Variants in FAM83H observed in about 807,000 individuals in gnomAD.
FAM83H encodes scaffolding CK1 anchoring protein H.
Under a neutral mutation model 30.2 loss-of-function variants are expected in FAM83H, and 24 were observed. The ratio of observed to expected loss-of-function variants is 0.79; its 90% CI spans 0.57 to 1.12. The LOEUF (loss-of-function observed/expected upper bound fraction) is 1.12. Ranked by LOEUF, FAM83H falls within the 50% of genes most tolerant of loss-of-function variation. The pLI is 0.00. For missense variants in FAM83H, 2,038 were observed against 1,773.9 expected (o/e 1.15, Z -2.67); for synonymous variants, 1,013 against 821.7 (o/e 1.23, Z -3.98).
rs1554621696 is a variant in FAM83H at position 143,726,316 on chromosome 8, C to T, written c.3145G>A (p.Ala1049Thr). The T allele has an allele frequency of 5.6e-6, 9 of 1,612,120 alleles. No homozygotes were observed. The highest frequency in any genetic ancestry group is 6.8e-6 in the Non-Finnish European group (8 of 1,179,762). Residue 1049 changes from alanine to threonine, a missense_variant, in exon 5 of 5, where the codon GCC becomes ACC. Physicochemically the swap from Ala to Thr is moderately conservative, Grantham distance 58 (BLOSUM62 0). Coordinates refer to ENST00000388913, the MANE Select transcript of FAM83H (RefSeq NM_198488.5). Reference sequence around the variant, plus strand: ...ACCGCACGGTGCTTCTGGCCGTGGGCACTGATCTGCTCCAGAATGGCCTTC... The same window carrying T: ...ACCGCACGGTGCTTCTGGCCGTGGGTACTGATCTGCTCCAGAATGGCCTTC... ...DTKAILEQIS[A>T]HGQKHRAVPA...
In FAM83H at chr8:143,730,214, G is replaced by T; in HGVS notation, c.369C>A (p.Thr123=). Residue 123 remains threonine, a synonymous_variant, in exon 2 of 5, where the codon ACC becomes ACA. Transcript: ENST00000388913. The part of the protein sequence containing the change: ...LTFGFQGTEV[T]TLVQPPPPDS... ...CGGGGGGCGGTGGCTGCACCAAGGTGGTCACCTCGGTGCCCTGGAAGCCGA... is the reference window on the plus strand; with the variant it reads ...CGGGGGGCGGTGGCTGCACCAAGGTTGTCACCTCGGTGCCCTGGAAGCCGA... 1 of 1,612,878 alleles carries T rather than the reference G, an allele frequency of 6.2e-7. No individual in the cohort carries two copies. The highest frequency in any genetic ancestry group is 8.5e-7 in the Non-Finnish European group (1 of 1,179,534).
At chr8:143,731,224 C>A (rs888890014) in intron 1 of FAM83H, 1 of 371,904 alleles carries the variant, frequency 2.7e-6, no homozygotes, top group Admixed American at 6.5e-5. Flanking sequence ...CATTCACGGA[C>A]CCCTGGCACT....
Position 143,729,081 on chromosome 8 carries a change from A to C in FAM83H, c.623T>G (p.Val208Gly). ...GTAGGTGGGGCCCGCCACAGTCCGT[A>C]CGCGCAGGAACTGGGGAGGGAGGGG... ...VNLQHVDFLRVRTVAGPTYYC... is the reference protein window; with the variant it reads ...VNLQHVDFLRGRTVAGPTYYC... The change falls in exon 4 of 5, where the codon GTA becomes GGA. Residue 208 changes from valine to glycine, a missense_variant. Transcript: ENST00000388913. 1 of 1,613,598 alleles carries C rather than the reference A, an allele frequency of 6.2e-7. No individual in the cohort carries two copies.
intron 1 of FAM83H, chr8:143,732,685 C>A: frequency 1.0e-6 from 1 of 985,394 alleles, no homozygotes; most frequent in Non-Finnish European, 1.2e-6. Context: ...TTCCTCACGT[C>A]GTCTCCTTTC....
rs556857563 is a variant in FAM83H at position 143,733,230 on chromosome 8, G to T, written c.-16+461C>A. The T allele has an allele frequency of 1.5e-4, 23 of 152,432 alleles. No homozygotes were observed. Among genetic ancestry groups the T allele is most frequent in the Admixed American group, 6.5e-5 (1 of 15,290 alleles). 9.4% of individuals were successfully genotyped at this position (152,432 alleles called of 1,614,324 possible). A position where few individuals can be genotyped will look rare whatever the true frequency, so the allele number is the denominator to read the frequency against. ...CGCCCACCCCAGCCCAGGAACGTGGGCGCGAGGGGCAGCACTCCCATCACT... is the reference window on the plus strand; with the variant it reads ...CGCCCACCCCAGCCCAGGAACGTGGTCGCGAGGGGCAGCACTCCCATCACT... On this transcript the variant is annotated intron_variant, in intron 1 of 4. Coordinates refer to ENST00000388913, the MANE Select transcript of FAM83H (RefSeq NM_198488.5). The surrounding 1 kb of genome is among the most constrained non-coding windows in gnomAD (Gnocchi z 5.6).
At position 143,725,697 on chromosome 8, in the gene FAM83H, C is replaced by T. The variant is rs1248957791; in HGVS notation, c.*224G>A. 6.0e-6 allele frequency: 4 copies of T among 666,136 alleles called. No individual in the cohort carries two copies. Among genetic ancestry groups the T allele is most frequent in the South Asian group, 1.9e-5 (1 of 51,834 alleles). 41.3% of individuals were successfully genotyped at this position (666,136 alleles called of 1,614,324 possible). A position where few individuals can be genotyped will look rare whatever the true frequency, so the allele number is the denominator to read the frequency against. ...GCTGAGGGGAGAAAGGCACTGGTGG[C>T]GAGGGGTGCAGCCCCAGCGTTGGGG... On this transcript the variant is annotated 3_prime_UTR_variant, in exon 5 of 5. Coordinates refer to ENST00000388913, the MANE Select transcript of FAM83H (RefSeq NM_198488.5).
chr8:143,732,721 G>C, intron 1 of FAM83H: 3 of 985,386 alleles, frequency 3.0e-6, no homozygotes, highest in Non-Finnish European at 3.6e-6. Context: ...CTGGGCTATG[G>C]ACGGGGCTGC....
At position 143,727,087 on chromosome 8, in the gene FAM83H, CCAGCAGG is replaced by C; in HGVS notation, c.2367_2373del (p.Cys789TrpfsTer183). ...TGCTGTGCAAAGGAGTCGCGCAGGTCCAGCAGGCAGCTCTCGAGGCTGCGGCGCTCGC... is the reference window on the plus strand; with the variant it reads ...TGCTGTGCAAAGGAGTCGCGCAGGTCCAGCTCTCGAGGCTGCGGCGCTCGC... On this transcript the variant is annotated frameshift_variant, in exon 5 of 5. Coordinates refer to ENST00000388913, the MANE Select transcript of FAM83H (RefSeq NM_198488.5). LOFTEE classifies it low-confidence loss of function (END_TRUNC). 1 of 1,543,376 alleles carries C rather than the reference CCAGCAGG, an allele frequency of 6.5e-7. No homozygotes were observed. Among genetic ancestry groups the C allele is most frequent in the Non-Finnish European group, 8.7e-7 (1 of 1,151,256 alleles).
Position 143,728,274 on chromosome 8 carries a change from A to T in FAM83H, c.1187T>A (p.Phe396Tyr). Residue 396 changes from phenylalanine to tyrosine, a missense_variant, in exon 5 of 5, where the codon TTC becomes TAC. Physicochemically the swap from Phe to Tyr is conservative, Grantham distance 22. Transcript: ENST00000388913. ...CATCTCCAGGTGCCGCGCCTGGAAGAAGCCCCGCGCGCCCGCGAGCTCCCC... is the reference window on the plus strand; with the variant it reads ...CATCTCCAGGTGCCGCGCCTGGAAGTAGCCCCGCGCGCCCGCGAGCTCCCC... Reference protein sequence around the residue: ...PAGELAGARGFFQARHLEMDA... With the variant: ...PAGELAGARGYFQARHLEMDA... 1 of 1,528,804 alleles carries T rather than the reference A, an allele frequency of 6.5e-7. No homozygotes were observed. The highest frequency in any genetic ancestry group is 8.8e-7 in the Non-Finnish European group (1 of 1,141,972). The allele number at this position is 1,528,804 out of a possible 1,614,324, so 94.7% of individuals were successfully genotyped here.
chr8:143,733,491 C>T lies in FAM83H; in HGVS notation c.-16+200G>A, dbSNP rs1333300480. ...GCGGGGGCGCTCGCGTCCATATCCGCACAGCGGCGCCCCCTGTCCGAGCAG... is the reference window on the plus strand; with the variant it reads ...GCGGGGGCGCTCGCGTCCATATCCGTACAGCGGCGCCCCCTGTCCGAGCAG... On this transcript the variant is annotated intron_variant, in intron 1 of 4. Transcript: ENST00000388913. The surrounding 1 kb of genome is among the most constrained non-coding windows in gnomAD (Gnocchi z 5.6). Among the ~76,000 whole-genome samples the T allele has an allele frequency of 2.0e-5, 3 of 152,032 alleles. No homozygotes were observed. The highest frequency in any genetic ancestry group is 7.2e-5 in the African/African-American group (3 of 41,436).
rs374703217 is a variant in FAM83H, at chr8:143,727,103, G to A, written c.2358C>T (p.Leu786=). ...CGCGCAGGTCCAGCAGGCAGCTCTC[G>A]AGGCTGCGGCGCTCGCCCCCCACGG... ...PGAVGGERRS[L]ESCLLDLRDS... The change falls in exon 5 of 5, where the codon CTC becomes CTT. Residue 786 remains leucine (L), a synonymous_variant. Coordinates refer to ENST00000388913, the MANE Select transcript of FAM83H (RefSeq NM_198488.5). The A allele has an allele frequency of 5.9e-5, 90 of 1,537,636 alleles. 1 individual carries two copies. Among genetic ancestry groups the A allele is most frequent in the South Asian group, 2.0e-4 (17 of 84,400 alleles).
rs1818255779 is a variant in FAM83H at position 143,725,528 on chromosome 8, A to G, written c.*393T>C. 2 of 260,210 alleles carry G rather than the reference A, an allele frequency of 7.7e-6. No homozygotes were observed. Among genetic ancestry groups the G allele is most frequent in the African/African-American group, 2.2e-5 (1 of 45,052 alleles). The allele number at this position is 260,210 out of a possible 1,614,324, so 16.1% of individuals were successfully genotyped here. A position where few individuals can be genotyped will look rare whatever the true frequency, so the allele number is the denominator to read the frequency against. ...GGAGAATCGCTGGAACCCGGGAGGC[A>G]GAGGTTGCAGTGAGCCCAGACCGCT... is the stretch of plus-strand genomic sequence containing the variant. On this transcript the variant is annotated 3_prime_UTR_variant, in exon 5 of 5. Transcript: ENST00000388913.
chr8:143,724,509 T>C lies in FAM83H; in HGVS notation c.*1412A>G, dbSNP rs969889902. 1 of 151,916 alleles carries C rather than the reference T, an allele frequency of 6.6e-6. No homozygotes were observed. Among genetic ancestry groups the C allele is most frequent in the African/African-American group, 2.4e-5 (1 of 41,310 alleles). The allele number at this position is 151,916 out of a possible 1,614,324, so 9.4% of individuals were successfully genotyped here. On this transcript the variant is annotated 3_prime_UTR_variant, in exon 5 of 5. Transcript: ENST00000388913. ...ATTCCTCTCTAGGAGTGAAAAGAGA[T>C]AAAAGATAAGCCAAGAACCCTGGAC...
rs574485832 is a variant in FAM83H, at chr8:143,727,367, C to A, written c.2094G>T (p.Gly698=). 6.4e-7 allele frequency: 1 copy of A among 1,569,556 alleles called. No homozygotes were observed. The highest frequency in any genetic ancestry group is 8.6e-7 in the Non-Finnish European group (1 of 1,166,108). ...FSTSQAEGAA[G]AAAATEKVQL... ...GCACCTTCTCAGTGGCCGCCGCAGC[C>A]CCGGCCGCGCCCTCGGCCTGTGACG... Residue 698 remains glycine (G), a synonymous_variant, in exon 5 of 5, where the codon GGG becomes GGT. Coordinates refer to ENST00000388913, the MANE Select transcript of FAM83H (RefSeq NM_198488.5).
At chr8:143,731,600 C>T (rs368840059) in intron 1 of FAM83H, 1 of 985,482 alleles carries the variant, frequency 1.0e-6, no homozygotes. Context: ...CCTTTGACCT[C>T]TTTCTTGTCA....
Position 143,727,255 on chromosome 8 carries a change from C to T in FAM83H, c.2206G>A (p.Glu736Lys), listed in dbSNP as rs1818334813. ...VRSAASTKVAELLEKYKGPAR... is the reference protein window; with the variant it reads ...VRSAASTKVAKLLEKYKGPAR... ...GGGCCCTTGTACTTCTCCAGCAGCT[C>T]CGCCACCTTGGTGGAAGCCGCGGAG... Residue 736 changes from glutamate to lysine, a missense_variant, in exon 5 of 5, where the codon GAG becomes AAG. Coordinates refer to ENST00000388913, the MANE Select transcript of FAM83H (RefSeq NM_198488.5). 12 of 1,535,152 alleles carry T rather than the reference C, an allele frequency of 7.8e-6. No individual in the cohort carries two copies. The East Asian group carries it at 2.9e-4, about 38-fold the overall frequency.
intron 1 of FAM83H, chr8:143,731,348 C>A (rs1420942104): frequency 1.5e-5 from 15 of 985,244 alleles, no homozygotes; most frequent in Non-Finnish European, 1.8e-5. Context: ...CTGCACAACA[C>A]AGCTGAGGGT....
chr8:143,731,519 C>G (rs117159955), intron 1 of FAM83H: 1 of 985,354 alleles, frequency 1.0e-6, no homozygotes, highest in African/African-American at 1.7e-5. Flanking sequence ...ATTCTATGAC[C>G]GCCCAGTCCT....
Position 143,727,672 on chromosome 8 carries a change from C to T in FAM83H, c.1789G>A (p.Asp597Asn), listed in dbSNP as rs782584452. 2.7e-5 allele frequency: 42 copies of T among 1,568,502 alleles called. No individual in the cohort carries two copies. Among genetic ancestry groups the T allele is most frequent in the Non-Finnish European group, 3.1e-5 (36 of 1,165,108 alleles). ...LSGCHGEDGGDDGLPAPMEAE... is the reference protein window; with the variant it reads ...LSGCHGEDGGNDGLPAPMEAE... ...TCCATGGGCGCCGGTAGGCCGTCGT[C>T]GCCCCCATCCTCGCCGTGGCAGCCG... The change falls in exon 5 of 5, where the codon GAC becomes AAC. Residue 597 changes from aspartate (D) to asparagine (N), a missense_variant. Transcript: ENST00000388913.
Sources: gnomAD v4.1 joint callset for allele counts (sites outside exome capture counted in the v4.1 genomes callset) on GRCh38, gnomAD v4.1.1 for gene constraint, Gnocchi (gnomAD v3.1) non-coding constraint, MANE v1.5 for transcripts, NCBI Gene and HGNC (gene_info 2026-07-23, HGNC 2026-07-21) for gene names.